Variants in NUDT19 observed in about 807,000 individuals in gnomAD.
NUDT19 encodes acyl-coenzyme A diphosphatase NUDT19.
In NUDT19, 31 loss-of-function variants were observed where a neutral mutation model predicts 22.2. The observed-to-expected ratio is 1.40, with a 90% CI of 1.05 to 1.89. NUDT19 has a LOEUF of 1.89. Ranked by LOEUF, NUDT19 falls within the 40% of genes most tolerant of loss-of-function variation. NUDT19 has a pLI of 0.00. For synonymous variants in NUDT19, 325 were observed against 230.8 expected (o/e 1.41, Z -3.70); for missense variants, 752 against 514.2 (o/e 1.46, Z -4.47).
rs578009481 is a variant in NUDT19 at position 32,712,637 on chromosome 19, C to G, written c.*680C>G. The G allele has an allele frequency of 1.3e-5, 2 of 152,134 alleles. No individual in the cohort carries two copies. The highest frequency in any genetic ancestry group is 6.6e-5 in the Admixed American group (1 of 15,258). 9.4% of individuals were successfully genotyped at this position (152,134 alleles called of 1,614,324 possible). A position where few individuals can be genotyped will look rare whatever the true frequency, so the allele number is the denominator to read the frequency against. On this transcript the variant is annotated 3_prime_UTR_variant, in exon 3 of 3. Transcript: ENST00000397061. ...CGATCTCCTGACCTCATGATCTGCC[C>G]GCCTTGGCCTCCCAAAGTGTGGGAT...
chr19:32,692,214 GGCC>G lies in NUDT19; in HGVS notation c.260_262del (p.Pro87del). The G allele has an allele frequency of 6.3e-7, 1 of 1,582,628 alleles. No individual in the cohort carries two copies. Among genetic ancestry groups the G allele is most frequent in the Non-Finnish European group, 8.5e-7 (1 of 1,173,352 alleles). ...CTGGGCCTCTTCGCGCCGCACCACGGGCCGCCGCGCTTCGGCCTGGGCCCGGCG... is the reference window on the plus strand; with the variant it reads ...CTGGGCCTCTTCGCGCCGCACCACGGGCCGCGCTTCGGCCTGGGCCCGGCG... On this transcript the variant is annotated inframe_deletion, in exon 1 of 3. Transcript: ENST00000397061.
intron 1 of NUDT19, among the ~76,000 whole-genome samples, chr19:32,707,262 G>A (rs1453073373): frequency 6.6e-6 from 1 of 152,146 alleles, no homozygotes; most frequent in Non-Finnish European, 1.5e-5. Context: ...ATAACATAGA[G>A]AGATTGGGTG....
rs1407201061 is a variant in NUDT19, at chr19:32,692,409, C to A, written c.449C>A (p.Pro150Gln). 3 of 1,568,676 alleles carry A rather than the reference C, an allele frequency of 1.9e-6. No individual in the cohort carries two copies. Among genetic ancestry groups the A allele is most frequent in the Non-Finnish European group, 2.6e-6 (3 of 1,165,114 alleles). ...CGGCCCAGGACTTCCCCACCAGGCCCAGCACCCGGGCCTGGCCTCGCCCTG... is the reference window on the plus strand; with the variant it reads ...CGGCCCAGGACTTCCCCACCAGGCCAAGCACCCGGGCCTGGCCTCGCCCTG... ...LLRPRTSPPG[P>Q]APGPGLALEP... The change falls in exon 1 of 3, where the codon CCA (proline) becomes CAA (glutamine). Residue 150 changes from proline (P) to glutamine (Q), a missense_variant. By Grantham distance (76) the Pro-to-Gln change is moderately conservative (BLOSUM62 -1). Transcript: ENST00000397061.
At chr19:32,697,765 A>C (rs1177004621) in intron 1 of NUDT19, among the ~76,000 whole-genome samples, 1 of 152,212 alleles carries the variant, frequency 6.6e-6, no homozygotes, top group Admixed American at 6.5e-5. Flanking sequence ...CTAGCATGAC[A>C]TCTCTCCAAG....
At chr19:32,704,281 A>G (rs1186833860) in intron 1 of NUDT19, among the ~76,000 whole-genome samples, 24 of 140,508 alleles carry the variant, frequency 1.7e-4, no homozygotes, top group Non-Finnish European at 1.5e-5. Flanking sequence ...TTTTTTTTTT[A>G]GACAGAGTCT....
chr19:32,692,332 C>G lies in NUDT19; in HGVS notation c.372C>G (p.Phe124Leu). 1 of 1,591,926 alleles carries G rather than the reference C, an allele frequency of 6.3e-7. No homozygotes were observed. The highest frequency in any genetic ancestry group is 8.5e-7 in the Non-Finnish European group (1 of 1,177,220). ...NTGTLPEDVA[F>L]RICAVREAFE... is the part of the protein sequence containing the mutation. Reference sequence around the variant, plus strand: ...GGACGCTGCCTGAGGACGTAGCCTTCCGCATCTGCGCCGTGCGGGAGGCCT... The same window carrying G: ...GGACGCTGCCTGAGGACGTAGCCTTGCGCATCTGCGCCGTGCGGGAGGCCT... Residue 124 changes from phenylalanine (F) to leucine (L), a missense_variant, in exon 1 of 3, where the codon TTC becomes TTG. Transcript: ENST00000397061.
intron 2 of NUDT19, among the ~76,000 whole-genome samples, chr19:32,709,864 A>G (rs1026041238): frequency 5.3e-5 from 8 of 152,000 alleles, no homozygotes; most frequent in Middle Eastern, 3.4e-3. Context: ...CATCTTGGCC[A>G]GGCTGGTCTT....
At position 32,711,959 on chromosome 19, in the gene NUDT19, G is replaced by T. The variant is rs1307782217; in HGVS notation, c.*2G>T. ...GTAGTAAGAAAAAGCCATTTGTAGG[G>T]TGCTTAAGCTTGTTTGTAAAATGGC... On this transcript the variant is annotated 3_prime_UTR_variant, in exon 3 of 3. Transcript: ENST00000397061. The T allele has an allele frequency of 3.1e-6, 5 of 1,603,608 alleles. No homozygotes were observed. The highest frequency in any genetic ancestry group is 1.3e-5 in the African/African-American group (1 of 74,716).
At position 32,692,294 on chromosome 19, in the gene NUDT19, A is replaced by C; in HGVS notation, c.334A>C (p.Thr112Pro). Residue 112 changes from threonine to proline, a missense_variant, in exon 1 of 3, where the codon ACC (threonine) becomes CCC (proline). Coordinates refer to ENST00000397061, the MANE Select transcript of NUDT19 (RefSeq NM_001105570.2). ...PSLPDTDDHK[T>P]DNTGTLPEDV... ...GCTGCCCGACACCGATGACCACAAGACCGACAACACTGGGACGCTGCCTGA... is the reference window on the plus strand; with the variant it reads ...GCTGCCCGACACCGATGACCACAAGCCCGACAACACTGGGACGCTGCCTGA... 1 of 1,593,402 alleles carries C rather than the reference A, an allele frequency of 6.3e-7. No individual in the cohort carries two copies. Among genetic ancestry groups the C allele is most frequent in the Non-Finnish European group, 8.5e-7 (1 of 1,177,946 alleles).
rs778251253 is a variant in NUDT19, at chr19:32,692,098, G to C, written c.138G>C (p.Leu46=). 8 of 1,388,660 alleles carry C rather than the reference G, an allele frequency of 5.8e-6. No individual in the cohort carries two copies. In the African/African-American group the frequency reaches 7.5e-5, roughly 13 times the overall value. 86.0% of individuals were successfully genotyped at this position (1,388,660 alleles called of 1,614,324 possible). A position where few individuals can be genotyped will look rare whatever the true frequency, so the allele number is the denominator to read the frequency against. The change falls in exon 1 of 3, where the codon CTG becomes CTC. Residue 46 remains leucine, a synonymous_variant. Coordinates refer to ENST00000397061, the MANE Select transcript of NUDT19 (RefSeq NM_001105570.2). ...CGGCCGAGGGCTTCCGGCTGCTGCT[G>C]CTGCAGCGCTCCCCGCACCAAGGCT... ...PPPAEGFRLL[L]LQRSPHQGFM...
intron 1 of NUDT19, among the ~76,000 whole-genome samples, chr19:32,697,176 C>T (rs143641507): frequency 1.3e-5 from 2 of 152,294 alleles, no homozygotes; most frequent in African/African-American, 4.8e-5. Flanking sequence ...AGGGCCATGA[C>T]TAAGTCTGCG....
Position 32,692,349 on chromosome 19 carries a change from G to A in NUDT19, c.389G>A (p.Arg130Gln), listed in dbSNP as rs374306347. 59 of 1,590,584 alleles carry A rather than the reference G, an allele frequency of 3.7e-5. No individual in the cohort carries two copies. The African/African-American group carries it at 7.2e-4, about 19-fold the overall frequency. The change falls in exon 1 of 3, where the codon CGG becomes CAG. Residue 130 changes from arginine (R) to glutamine (Q), a missense_variant. Physicochemically the swap from Arg to Gln is conservative, Grantham distance 43. Transcript: ENST00000397061. Reference sequence around the variant, plus strand: ...GTAGCCTTCCGCATCTGCGCCGTGCGGGAGGCCTTTGAGGAGGCGGGCGTG... The same window carrying A: ...GTAGCCTTCCGCATCTGCGCCGTGCAGGAGGCCTTTGAGGAGGCGGGCGTG... ...EDVAFRICAVREAFEEAGVLL... is the reference protein window; with the variant it reads ...EDVAFRICAVQEAFEEAGVLL...
chr19:32,695,920 G>C (rs1317835778), intron 1 of NUDT19, among the ~76,000 whole-genome samples: 1 of 152,238 alleles, frequency 6.6e-6, no homozygotes, highest in East Asian at 1.9e-4. Context: ...CTGGTCCCTG[G>C]GGGAAGAGGT....
intron 1 of NUDT19, among the ~76,000 whole-genome samples, chr19:32,700,073 G>A (rs1968317315): frequency 6.6e-6 from 1 of 152,270 alleles, no homozygotes; most frequent in African/African-American, 2.4e-5. Context: ...CAAAGAGTGA[G>A]CAGCAGCAAG....
At position 32,692,445 on chromosome 19, in the gene NUDT19, C is replaced by T. The variant is rs372257079; in HGVS notation, c.485C>T (p.Pro162Leu). 19 of 1,546,948 alleles carry T rather than the reference C, an allele frequency of 1.2e-5. No homozygotes were observed. Among genetic ancestry groups the T allele is most frequent in the Middle Eastern group, 1.7e-4 (1 of 5,922 alleles). The change falls in exon 1 of 3, where the codon CCG (proline) becomes CTG (leucine). Residue 162 changes from proline (P) to leucine (L), a missense_variant. Pro to Leu is a moderately conservative substitution (Grantham distance 98). Transcript: ENST00000397061. Reference protein sequence around the residue: ...PGPGLALEPPPGLASWRDRVR... With the variant: ...PGPGLALEPPLGLASWRDRVR... ...CCTGGCCTCGCCCTGGAGCCACCGCCGGGCCTGGCCTCCTGGCGCGACCGC... is the reference window on the plus strand; with the variant it reads ...CCTGGCCTCGCCCTGGAGCCACCGCTGGGCCTGGCCTCCTGGCGCGACCGC...
intron 1 of NUDT19, among the ~76,000 whole-genome samples, chr19:32,703,499 C>CCCA (rs937860808): frequency 6.6e-6 from 1 of 151,640 alleles, no homozygotes; most frequent in Admixed American, 6.6e-5. Flanking sequence ...CAGGCATGCA[C>CCCA]CCACCATGGC....
intron 1 of NUDT19, 85 bp downstream of exon 1, chr19:32,692,759 C>A (rs955446141): frequency 1.1e-5 from 11 of 1,009,996 alleles, no homozygotes; most frequent in Non-Finnish European, 1.2e-5. Context: ...CCAAGGGACC[C>A]CCGCATAGGC....
At position 32,692,633 on chromosome 19, in the gene NUDT19, C is replaced by G; in HGVS notation, c.673C>G (p.Pro225Ala). The change falls in exon 1 of 3, where the codon CCG (proline) becomes GCG (alanine). Residue 225 changes from proline (P) to alanine (A), a missense_variant. Pro to Ala is a conservative substitution (Grantham distance 27). Transcript: ENST00000397061. ...AFFLCCLREP[P>A]PVYPDLAEVV... ...CTTCCTGTGCTGCCTGCGCGAGCCGCCGCCCGTCTACCCCGACTTGGCGGA... is the reference window on the plus strand; with the variant it reads ...CTTCCTGTGCTGCCTGCGCGAGCCGGCGCCCGTCTACCCCGACTTGGCGGA... 1 of 1,534,076 alleles carries G rather than the reference C, an allele frequency of 6.5e-7. No individual in the cohort carries two copies. The highest frequency in any genetic ancestry group is 8.7e-7 in the Non-Finnish European group (1 of 1,145,888).
In NUDT19 at chr19:32,692,669, T is replaced by G; in HGVS notation, c.709T>G (p.Tyr237Asp). ...VYPDLAEVVG[Y>D]QWSSPSEATE... is the part of the protein sequence containing the mutation. ...CCCCGACTTGGCGGAGGTGGTGGGCTACCAGGTAAGGCCTGCTCAGGGCCT... is the reference window on the plus strand; with the variant it reads ...CCCCGACTTGGCGGAGGTGGTGGGCGACCAGGTAAGGCCTGCTCAGGGCCT... Residue 237 changes from tyrosine (Y) to aspartate (D), a missense_variant, in exon 1 of 3, where the codon TAC becomes GAC. Physicochemically the swap from Tyr to Asp is radical, Grantham distance 160. Transcript: ENST00000397061. 6.6e-7 allele frequency: 1 copy of G among 1,505,024 alleles called. No homozygotes were observed. The allele number at this position is 1,505,024 out of a possible 1,614,324, so 93.2% of individuals were successfully genotyped here. A position where few individuals can be genotyped will look rare whatever the true frequency, so the allele number is the denominator to read the frequency against.
Sources: gnomAD v4.1 joint callset for allele counts (sites outside exome capture counted in the v4.1 genomes callset) on GRCh38, gnomAD v4.1.1 for gene constraint, MANE v1.5 for transcripts, NCBI Gene and HGNC (gene_info 2026-07-23, HGNC 2026-07-21) for gene names.